The following CAPS2 variants were observed in gnomAD, a reference collection of about 807,000 sequenced individuals.
CAPS2 encodes the protein calcyphosin-2.
In CAPS2, 98 loss-of-function variants were observed where a neutral mutation model predicts 86.5. The observed-to-expected ratio is 1.13, with a 90% CI of 0.96 to 1.34. The LOEUF (loss-of-function observed/expected upper bound fraction) is 1.34. Ranked by LOEUF, CAPS2 falls within the 40% of genes most tolerant of loss-of-function variation. The pLI is 0.00. For synonymous variants in CAPS2, 210 were observed against 225.1 expected, an observed-to-expected ratio of 0.93 and a Z score of 0.60; for missense variants, 729 against 686.8, an observed-to-expected ratio of 1.06 and a Z score of -0.69.
intron 11 of CAPS2, among the ~76,000 whole-genome samples, chr12:75,294,092 C>T (rs920527164): frequency 3.9e-5 from 6 of 151,924 alleles, no homozygotes; most frequent in Non-Finnish European, 5.9e-5. Context: ...CCACCACGCC[C>T]GGCTGGTTCT....
intron 11 of CAPS2, among the ~76,000 whole-genome samples, chr12:75,297,987 A>G (rs1259520164): frequency 6.6e-6 from 1 of 151,954 alleles, no homozygotes; most frequent in Non-Finnish European, 1.5e-5. Context: ...CCTCTTATCT[A>G]TCTGTGTCTC....
At position 75,288,292 on chromosome 12, in the gene CAPS2, A is replaced by T. The variant is rs145846957; in HGVS notation, c.1395+1329T>A. Among the ~76,000 whole-genome samples, 220 of 152,030 alleles carry T rather than the reference A, an allele frequency of 1.4e-3. 2 individuals are homozygous for T. The highest frequency in any genetic ancestry group is 5.2e-3 in the African/African-American group (213 of 41,310). On this transcript the variant is annotated intron_variant, in intron 14 of 16. Coordinates refer to ENST00000393284, the Ensembl canonical transcript of CAPS2. ...ACCAAAAAGATGGGTATGTCAGAAC[A>T]ATGTTAGGCAACATGATATTGGCAC...
intron 1 of CAPS2, chr12:75,370,441 G>T: frequency 3.9e-6 from 1 of 258,096 alleles, no homozygotes; most frequent in Non-Finnish European, 7.4e-6. Flanking sequence ...AATGAGAATG[G>T]ATTATCATTT....
chr12:75,306,349 T>C, intron 7 of CAPS2: 1 of 487,728 alleles, frequency 2.1e-6, no homozygotes. Flanking sequence ...TGTAACAGTG[T>C]CTCTGAGGAC....
chr12:75,303,373 T>C (rs2038054578), intron 8 of CAPS2, among the ~76,000 whole-genome samples: 2 of 152,234 alleles, frequency 1.3e-5, no homozygotes, highest in Admixed American at 1.3e-4. Context: ...TAATTTCATT[T>C]ACATAAATTT....
intron 1 of CAPS2, chr12:75,370,137 T>C (rs764819843): frequency 1.2e-6 from 2 of 1,604,190 alleles, no homozygotes; most frequent in Non-Finnish European, 1.7e-6. Context: ...CAGCCTTTAA[T>C]CCATTCAGCT....
At chr12:75,307,477 C>G (rs1208122655) in intron 7 of CAPS2, among the ~76,000 whole-genome samples, 1 of 152,074 alleles carries the variant, frequency 6.6e-6, no homozygotes, top group Non-Finnish European at 1.5e-5. Flanking sequence ...GAAAAAAGAT[C>G]CAGTGTTCCA....
At chr12:75,299,790 CG>C in intron 9 of CAPS2, 46 bp downstream of exon 9, 1 of 908,614 alleles carries the variant, frequency 1.1e-6, no homozygotes, top group Non-Finnish European at 1.7e-6. Flanking sequence ...AAAGAGAATA[CG>C]TTTTTATAAT....
chr12:75,317,289 G>A lies in CAPS2; in HGVS notation c.469-855C>T, dbSNP rs371777620. Among the ~76,000 whole-genome samples the A allele has an allele frequency of 5.3e-5, 8 of 152,002 alleles. No homozygotes were observed. In the East Asian group the frequency reaches 5.8e-4, roughly 11 times the overall value. On this transcript the variant is annotated intron_variant, in intron 5 of 16. Transcript: ENST00000393284. ...ATTCAATAAATGAATAATGAATCTC[G>A]CTTAGGTATTTAAAAATCAATTTAT...
intron 1 of CAPS2, chr12:75,369,689 T>C (rs1445993627): frequency 1.0e-6 from 1 of 983,676 alleles, no homozygotes; most frequent in African/African-American, 1.7e-5. Context: ...AAAATAAAGT[T>C]AACTACTTTA....
At chr12:75,287,221 T>C (rs932745982) in intron 14 of CAPS2, among the ~76,000 whole-genome samples, 3 of 151,794 alleles carry the variant, frequency 2.0e-5, no homozygotes, top group Non-Finnish European at 4.4e-5. Flanking sequence ...CCTTAGAAAA[T>C]GGAATCTCTC....
chr12:75,293,228 C>T, intron 12 of CAPS2, 21 bp downstream of exon 12: 5 of 1,383,944 alleles, frequency 3.6e-6, no homozygotes, highest in Non-Finnish European at 5.1e-6. Context: ...TTTCAAATTG[C>T]CAAATGCATA....
At chr12:75,292,477 C>A (rs1404703916) in intron 12 of CAPS2, among the ~76,000 whole-genome samples, 1 of 150,946 alleles carries the variant, frequency 6.6e-6, no homozygotes, top group African/African-American at 2.4e-5. Context: ...TTTTTAAAAG[C>A]CCCCTCAAAT....
chr12:75,347,721 G>A, intron 1 of CAPS2: 7 of 1,575,820 alleles, frequency 4.4e-6, no homozygotes, highest in Non-Finnish European at 6.1e-6. Flanking sequence ...CTACGGACCT[G>A]CGTGAGTTAT....
At chr12:75,387,193 A>G (rs1409808929) in intron 1 of CAPS2, among the ~76,000 whole-genome samples, 2 of 152,216 alleles carry the variant, frequency 1.3e-5, no homozygotes, top group African/African-American at 4.8e-5. Context: ...CAATATGCAA[A>G]GACTCTTTAA....
At chr12:75,340,956 T>C (rs967793105) in intron 1 of CAPS2, among the ~76,000 whole-genome samples, 15 of 151,808 alleles carry the variant, frequency 9.9e-5, no homozygotes, top group African/African-American at 2.9e-4. Flanking sequence ...ATGGAGAAAA[T>C]TGATCAGTCT....
chr12:75,308,326 T>A (rs118047871), intron 7 of CAPS2, among the ~76,000 whole-genome samples: 1 of 152,312 alleles, frequency 6.6e-6, no homozygotes, highest in East Asian at 1.9e-4. Flanking sequence ...AATGTATGTA[T>A]GTATTTGTCA....
At chr12:75,348,664 T>A (rs866337426) in intron 1 of CAPS2, among the ~76,000 whole-genome samples, 3 of 152,174 alleles carry the variant, frequency 2.0e-5, no homozygotes, top group Admixed American at 2.0e-4. Context: ...AGTCAGGTTT[T>A]GGGGTCCAAA....
At chr12:75,300,254 A>G (rs932621074) in intron 8 of CAPS2, among the ~76,000 whole-genome samples, 2 of 151,884 alleles carry the variant, frequency 1.3e-5, no homozygotes, top group African/African-American at 4.8e-5. Flanking sequence ...CTTCCCTCAC[A>G]CCATAGAATT....
Sources: allele counts gnomAD v4.1 joint callset (sites outside exome capture counted in the v4.1 genomes callset), GRCh38; gene constraint gnomAD v4.1.1; transcripts MANE v1.5; gene names NCBI Gene and HGNC (gene_info 2026-07-23, HGNC 2026-07-21).